Variants in TSHZ2 observed in about 807,000 individuals in gnomAD.
The protein encoded by TSHZ2 is teashirt zinc finger homeobox 2, also known as teashirt homolog 2.
TSHZ2 carries 21 observed loss-of-function variants against 74.4 expected under a neutral mutation model. The ratio of observed to expected loss-of-function variants is 0.28; its 90% confidence interval spans 0.20 to 0.41. The LOEUF (loss-of-function observed/expected upper bound fraction) is 0.41, where lower values mean the gene tolerates loss of function less well. Among genes scored for constraint, TSHZ2 ranks in the 10% least tolerant of loss-of-function variants. The pLI is 1.00. For missense variants in TSHZ2, 1,244 were observed against 1,293.5 expected, an observed-to-expected ratio of 0.96 and a Z score of 0.59; for synonymous variants, 540 against 515.3, an observed-to-expected ratio of 1.05 and a Z score of -0.65.
chr20:53,436,533 A>ATTTTTTTTTTT (rs1444141242), intron 2 of TSHZ2, among the ~76,000 whole-genome samples: 3 of 115,978 alleles, frequency 2.6e-5, no homozygotes, highest in African/African-American at 1.1e-4. Flanking sequence ...ATTTATTATT[A>ATTTTTTTTTTT]TTATTATTAT....
chr20:53,296,567 CTT>C (rs1555847423), intron 2 of TSHZ2, among the ~76,000 whole-genome samples: 1 of 152,178 alleles, frequency 6.6e-6, no homozygotes, highest in Non-Finnish European at 1.5e-5. Flanking sequence ...CTCCCACACA[CTT>C]TATCTTTTTC....
At chr20:53,248,932 A>G (rs936077067) in intron 1 of TSHZ2, among the ~76,000 whole-genome samples, 9 of 152,086 alleles carry the variant, frequency 5.9e-5, no homozygotes, top group African/African-American at 1.9e-4. Flanking sequence ...TCCATCTCCC[A>G]CTTCAAGTGG....
intron 2 of TSHZ2, among the ~76,000 whole-genome samples, chr20:53,321,370 G>A (rs1979253803): frequency 6.6e-6 from 1 of 152,020 alleles, no homozygotes; most frequent in South Asian, 2.1e-4. Flanking sequence ...AAGTATGTTG[G>A]CATCCATTTG....
chr20:53,325,867 C>T (rs1009994390), intron 2 of TSHZ2, among the ~76,000 whole-genome samples: 14 of 152,064 alleles, frequency 9.2e-5, no homozygotes, highest in African/African-American at 3.1e-4. Context: ...CTGCAAACTC[C>T]GCCTCCCAGG....
rs530075953 is a variant in TSHZ2 at position 53,269,629 on chromosome 20, T to C, written c.*8+13058T>C. Reference sequence around the variant, plus strand: ...GGATCTGATGATGAGGATATGATGATGATTAAATGTTGTAACACACGAACT... The same window carrying C: ...GGATCTGATGATGAGGATATGATGACGATTAAATGTTGTAACACACGAACT... On this transcript the variant is annotated intron_variant, in intron 2 of 2. Transcript: ENST00000371497. Among the ~76,000 whole-genome samples the C allele has an allele frequency of 1.7e-4, 26 of 152,244 alleles. 1 individual carries two copies. In the South Asian group the frequency reaches 5.2e-3, roughly 30 times the overall value.
At chr20:53,128,382 G>T (rs867210859) in intron 1 of TSHZ2, among the ~76,000 whole-genome samples, 167 of 152,218 alleles carry the variant, frequency 1.1e-3, no homozygotes, top group African/African-American at 3.7e-3. Context: ...TTGTTTTCTT[G>T]TTCCGTACCT....
At chr20:53,218,944 C>T (rs1407472604) in intron 1 of TSHZ2, among the ~76,000 whole-genome samples, 1 of 152,122 alleles carries the variant, frequency 6.6e-6, no homozygotes, top group Non-Finnish European at 1.5e-5. Flanking sequence ...ATATGAACTA[C>T]CTAATACAGA....
intron 2 of TSHZ2, among the ~76,000 whole-genome samples, chr20:53,431,327 A>G (rs1027629384): frequency 3.3e-5 from 5 of 152,076 alleles, no homozygotes; most frequent in Non-Finnish European, 7.4e-5. Flanking sequence ...GTGGTGGCAC[A>G]TGCCTGTAAT....
At chr20:52,995,738 G>C (rs1982162380) in intron 1 of TSHZ2, among the ~76,000 whole-genome samples, 1 of 150,374 alleles carries the variant, frequency 6.7e-6, no homozygotes, top group Non-Finnish European at 1.5e-5. Flanking sequence ...TCAGCCTCCT[G>C]AGTAGCTGGG....
At chr20:53,159,075 G>A (rs80204379) in intron 1 of TSHZ2, among the ~76,000 whole-genome samples, 4 of 152,328 alleles carry the variant, frequency 2.6e-5, no homozygotes, top group African/African-American at 9.6e-5. Context: ...TCGAATTCCA[G>A]CTCATTTATT....
chr20:53,441,235 ATTTTAT>A (rs1486287569), intron 2 of TSHZ2, among the ~76,000 whole-genome samples: 7 of 139,896 alleles, frequency 5.0e-5, no homozygotes, highest in African/African-American at 1.9e-4. Context: ...ATTTTATTTT[ATTTTAT>A]TTTATTTTAT....
chr20:53,147,670 T>C lies in TSHZ2; in HGVS notation c.41-105829T>C, dbSNP rs867049039. The stretch of plus-strand genomic sequence containing the variant: ...TTTAAACCAATATTCAGTTCCATCA[T>C]ATCTATGCATAAGACATGCATAAAA... On this transcript the variant is annotated intron_variant, in intron 1 of 2. Transcript: ENST00000371497. Among the ~76,000 whole-genome samples, 13 of 152,242 alleles carry C rather than the reference T, an allele frequency of 8.5e-5. No homozygotes were observed. The South Asian group carries it at 1.7e-3, about 19-fold the overall frequency.
Position 53,488,775 on chromosome 20 carries a change from G to T in TSHZ2, c.*1640G>T. On this transcript the variant is annotated 3_prime_UTR_variant, in exon 3 of 3. Transcript: ENST00000371497. The stretch of plus-strand genomic sequence containing the variant: ...TCTCTTCCTCACCATTTCTCAAGGA[G>T]GCTGCCTGTTGGAATTGTTTTGGAA... 3 of 322,018 alleles carry T rather than the reference G, an allele frequency of 9.3e-6. No homozygotes were observed. The highest frequency in any genetic ancestry group is 7.9e-5 in the South Asian group (3 of 38,100). 19.9% of individuals were successfully genotyped at this position (322,018 alleles called of 1,614,324 possible).
chr20:53,281,036 C>G (rs551144935), intron 2 of TSHZ2, among the ~76,000 whole-genome samples: 1 of 152,298 alleles, frequency 6.6e-6, no homozygotes, highest in African/African-American at 2.4e-5. Context: ...GATACTATGC[C>G]AGGCTTGTAT....
intron 1 of TSHZ2, among the ~76,000 whole-genome samples, chr20:53,105,465 A>C (rs1332843440): frequency 6.6e-6 from 1 of 151,966 alleles, no homozygotes; most frequent in Non-Finnish European, 1.5e-5. Flanking sequence ...TGAGCGGTAA[A>C]ATCTCCCCCT....
chr20:53,433,584 GAC>G (rs59162370), intron 2 of TSHZ2, among the ~76,000 whole-genome samples: 10,400 of 137,040 alleles, frequency 0.076, 384 homozygotes, highest in South Asian at 0.18. Context: ...CAGACACACA[GAC>G]ACACACACAC....
intron 1 of TSHZ2, among the ~76,000 whole-genome samples, chr20:53,063,466 A>T (rs1446145872): frequency 6.6e-6 from 1 of 152,226 alleles, no homozygotes; most frequent in Non-Finnish European, 1.5e-5. Flanking sequence ...AATTATGGAC[A>T]ATTTAAAGAT....
chr20:53,056,869 A>G (rs1462287264), intron 1 of TSHZ2, among the ~76,000 whole-genome samples: 1 of 152,168 alleles, frequency 6.6e-6, no homozygotes, highest in African/African-American at 2.4e-5. Flanking sequence ...GGATCTGTCC[A>G]GTGGCTTCTT....
At chr20:53,205,743 T>G (rs2123593709) in intron 1 of TSHZ2, among the ~76,000 whole-genome samples, 1 of 152,296 alleles carries the variant, frequency 6.6e-6, no homozygotes, top group South Asian at 2.1e-4. Context: ...TCCTGCTCCC[T>G]CTCAATGCCT....
Sources: gnomAD v4.1 joint callset for allele counts (sites outside exome capture counted in the v4.1 genomes callset) on GRCh38, gnomAD v4.1.1 for gene constraint, MANE v1.5 for transcripts, NCBI Gene and HGNC (gene_info 2026-07-23, HGNC 2026-07-21) for gene names.